KLHL18: variants seen among roughly 807,000 people sequenced by gnomAD.
The protein encoded by KLHL18 is kelch-like protein 18.
A neutral mutation model predicts 58.5 loss-of-function variants in KLHL18; 38 were observed. The observed-to-expected ratio is 0.65, with a 90% CI of 0.50 to 0.85. KLHL18 has a LOEUF of 0.85. Among genes scored for constraint, KLHL18 ranks in the 40% least tolerant of loss-of-function variants. KLHL18 has a pLI of 0.00. For missense variants in KLHL18, 624 were observed against 778.4 expected (o/e 0.80, Z 2.36); for synonymous variants, 303 against 301.9 (o/e 1.00, Z -0.04).
At chr3:47,318,794 C>T (rs1227773598) in intron 1 of KLHL18, among the ~76,000 whole-genome samples, 1 of 152,140 alleles carries the variant, frequency 6.6e-6, no homozygotes, top group Non-Finnish European at 1.5e-5. Context: ...AGGCTGGGTG[C>T]GGTGGCTCAC....
In KLHL18 at chr3:47,343,740, C is replaced by T. The variant is rs1215017281; in HGVS notation, c.1524C>T (p.Val508=). 1 of 1,614,090 alleles carries T rather than the reference C, an allele frequency of 6.2e-7. No homozygotes were observed. Among genetic ancestry groups the T allele is most frequent in the African/African-American group, 1.3e-5 (1 of 74,948 alleles). ...SSVADQWCLI[V]PMHTRRSRVS... is the part of the protein sequence containing the mutation. ...TGGCAGACCAGTGGTGCCTGATTGT[C>T]CCCATGCACACGCGCAGGAGCCGGG... Residue 508 remains valine, a synonymous_variant, in exon 10 of 10, where the codon GTC becomes GTT. Transcript: ENST00000232766.
intron 3 of KLHL18, among the ~76,000 whole-genome samples, chr3:47,323,235 C>A (rs776509553): frequency 6.6e-6 from 1 of 152,000 alleles, no homozygotes; most frequent in Admixed American, 6.6e-5. Context: ...ACTACAGGCA[C>A]GTGCCACCAC....
chr3:47,342,863 C>T (rs150719959), intron 9 of KLHL18, 33 bp downstream of exon 9: 6 of 1,441,784 alleles, frequency 4.2e-6, no homozygotes, highest in Non-Finnish European at 5.9e-6. Context: ...ATAAGGGTAC[C>T]TACTTCTGTC....
chr3:47,294,186 A>G (rs1702849475), intron 1 of KLHL18, among the ~76,000 whole-genome samples: 1 of 152,116 alleles, frequency 6.6e-6, no homozygotes, highest in African/African-American at 2.4e-5. Context: ...ATGAGCTACT[A>G]ACAGATTGTT....
chr3:47,320,993 C>T (rs1353307091), intron 2 of KLHL18, among the ~76,000 whole-genome samples: 2 of 152,134 alleles, frequency 1.3e-5, no homozygotes, highest in Non-Finnish European at 2.9e-5. Context: ...GCAGTTGTGC[C>T]CTCCTATTCT....
At chr3:47,286,261 G>C (rs914383845) in intron 1 of KLHL18, among the ~76,000 whole-genome samples, 1 of 152,316 alleles carries the variant, frequency 6.6e-6, no homozygotes, top group East Asian at 1.9e-4. Context: ...TTATTGTAGA[G>C]CCCAAGGAGT....
At position 47,334,845 on chromosome 3, in the gene KLHL18, CCCT is replaced by C; in HGVS notation, c.898+31_898+33del. On this transcript the variant is annotated intron_variant, in intron 6 of 9. Coordinates refer to ENST00000232766, the MANE Select transcript of KLHL18 (RefSeq NM_025010.5). The surrounding 1 kb of genome is among the most constrained non-coding windows in gnomAD (Gnocchi z 4.7). ...GTACCTTGCGGCTCCCCTTTATAGA[CCCT>C]CCTCTTGGACTCCATGGATGAGGAA... 1.3e-6 allele frequency: 2 copies of C among 1,592,148 alleles called. No individual in the cohort carries two copies. The highest frequency in any genetic ancestry group is 1.7e-6 in the Non-Finnish European group (2 of 1,168,550).
At chr3:47,333,367 A>T in intron 5 of KLHL18, 50 bp downstream of exon 5, 1 of 1,562,112 alleles carries the variant, frequency 6.4e-7, no homozygotes, top group Non-Finnish European at 8.7e-7. Context: ...CTAAGCAGGG[A>T]AGAGGAGTTG....
intron 3 of KLHL18, among the ~76,000 whole-genome samples, chr3:47,324,057 G>T (rs1404224052): frequency 6.6e-6 from 1 of 152,156 alleles, no homozygotes; most frequent in Non-Finnish European, 1.5e-5. Flanking sequence ...TCATCCTGAG[G>T]TAAGTGGTGC....
At chr3:47,326,452 TC>T (rs1169072798) in intron 3 of KLHL18, among the ~76,000 whole-genome samples, 1 of 152,174 alleles carries the variant, frequency 6.6e-6, no homozygotes, top group Non-Finnish European at 1.5e-5. Context: ...AAGACGTGGG[TC>T]TCCATCAACC....
Position 47,343,670 on chromosome 3 carries a change from A to G in KLHL18, c.1454A>G (p.Tyr485Cys). The G allele has an allele frequency of 1.2e-6, 2 of 1,614,176 alleles. No individual in the cohort carries two copies. The highest frequency in any genetic ancestry group is 1.7e-6 in the Non-Finnish European group (2 of 1,180,042). The change falls in exon 10 of 10, where the codon TAC (tyrosine) becomes TGC (cysteine). Residue 485 changes from tyrosine (Y) to cysteine (C), a missense_variant. Transcript: ENST00000232766. ...AGCAAGATGTTTGTCTGCGGGGGCTACGATGGCTCTGGCTTCCTCAGCATT... is the reference window on the plus strand; with the variant it reads ...AGCAAGATGTTTGTCTGCGGGGGCTGCGATGGCTCTGGCTTCCTCAGCATT... ...LGSKMFVCGG[Y>C]DGSGFLSIAE...
intron 1 of KLHL18, among the ~76,000 whole-genome samples, chr3:47,312,905 ATTTTTTTTTTTT>A (rs35710141): frequency 1.7e-5 from 2 of 117,874 alleles, no homozygotes; most frequent in African/African-American, 5.9e-5. Flanking sequence ...ATACCTTTTA[ATTTTTTTTTTTT>A]TTTTTTTTTT....
At chr3:47,343,467 T>TG in intron 9 of KLHL18, 88 bp from the exon 10 acceptor site, 1 of 1,472,888 alleles carries the variant, frequency 6.8e-7, no homozygotes, top group Non-Finnish European at 9.3e-7. Context: ...TTTGACATCA[T>TG]GGGGGGCTGC....
At chr3:47,319,809 G>T (rs771373698) in intron 2 of KLHL18, 26 bp downstream of exon 2, 3 of 1,609,562 alleles carry the variant, frequency 1.9e-6, no homozygotes, top group Non-Finnish European at 2.5e-6. Flanking sequence ...ATTAGGTTTC[G>T]CAGGCTGCTT....
At chr3:47,313,238 G>A (rs1445444022) in intron 1 of KLHL18, among the ~76,000 whole-genome samples, 2 of 142,086 alleles carry the variant, frequency 1.4e-5, no homozygotes, top group South Asian at 2.2e-4. Context: ...TTTTAATAGA[G>A]AAAGGGTCTC....
intron 3 of KLHL18, among the ~76,000 whole-genome samples, chr3:47,323,664 G>A (rs1703639671): frequency 6.6e-6 from 1 of 152,166 alleles, no homozygotes; most frequent in African/African-American, 2.4e-5. Flanking sequence ...AGAGGCTTGG[G>A]GATGTGGGTT....
intron 8 of KLHL18, among the ~76,000 whole-genome samples, chr3:47,341,499 A>G (rs1399204202): frequency 6.6e-6 from 1 of 152,290 alleles, no homozygotes; most frequent in East Asian, 1.9e-4. Flanking sequence ...GAGAACCTTC[A>G]TCTTCCCCAG....
Position 47,336,602 on chromosome 3 carries a change from G to A in KLHL18, c.966G>A (p.Met322Ile), listed in dbSNP as rs375521663. The A allele has an allele frequency of 5.6e-6, 9 of 1,614,144 alleles. No individual in the cohort carries two copies. The highest frequency in any genetic ancestry group is 7.6e-6 in the Non-Finnish European group (9 of 1,180,056). ...IANCWERCRP[M>I]TTARSRVGVA... is the part of the protein sequence containing the mutation. ...ATTGCTGGGAGAGATGCCGTCCCAT[G>A]ACAACAGCCCGCAGCCGCGTTGGCG... Residue 322 changes from methionine (M) to isoleucine (I), a missense_variant, in exon 7 of 10, where the codon ATG (methionine) becomes ATA (isoleucine). Coordinates refer to ENST00000232766, the MANE Select transcript of KLHL18 (RefSeq NM_025010.5).
chr3:47,336,438 G>T (rs1559503912), intron 6 of KLHL18, 97 bp from the exon 7 acceptor site: 1 of 1,054,776 alleles, frequency 9.5e-7, no homozygotes, highest in East Asian at 2.6e-5. Context: ...AGAGCTAATA[G>T]AATTGAGTCG....
Sources: allele counts gnomAD v4.1 joint callset (sites outside exome capture counted in the v4.1 genomes callset), GRCh38; gene constraint gnomAD v4.1.1; non-coding constraint Gnocchi (gnomAD v3.1); transcripts MANE v1.5; gene names NCBI Gene and HGNC (gene_info 2026-07-23, HGNC 2026-07-21).